FHIT: variants seen among roughly 807,000 people sequenced by gnomAD.
The protein encoded by FHIT is bis(5'-adenosyl)-triphosphatase.
A neutral mutation model predicts 17.9 loss-of-function variants in FHIT; 19 were observed. That is an observed-to-expected ratio of 1.06 (90% CI 0.74 to 1.56). The LOEUF is 1.56. Ranked by LOEUF, FHIT falls within the 40% of genes most tolerant of loss-of-function variation. FHIT has a pLI of 0.00. For missense variants in FHIT, 248 were observed against 189.2 expected, an observed-to-expected ratio of 1.31 and a Z score of -1.82; for synonymous variants, 81 against 69.7, an observed-to-expected ratio of 1.16 and a Z score of -0.81.
At chr3:60,572,385 A>G (rs1051576210) in intron 4 of FHIT, among the ~76,000 whole-genome samples, 4 of 152,202 alleles carry the variant, frequency 2.6e-5, no homozygotes, top group Admixed American at 1.3e-4. Flanking sequence ...TCTGTTTTAT[A>G]ATATTTATTG....
At chr3:60,199,495 C>G (rs867882260) in intron 5 of FHIT, among the ~76,000 whole-genome samples, 12 of 152,078 alleles carry the variant, frequency 7.9e-5, no homozygotes, top group Middle Eastern at 3.4e-3. Context: ...TGTGGGTCCT[C>G]AAAGGGGAAT....
At chr3:60,531,930 A>G (rs1427761412) in intron 5 of FHIT, among the ~76,000 whole-genome samples, 1 of 152,174 alleles carries the variant, frequency 6.6e-6, no homozygotes, top group Non-Finnish European at 1.5e-5. Context: ...CACTGTTTGC[A>G]TGGTAGCCAA....
intron 2 of FHIT, among the ~76,000 whole-genome samples, chr3:61,128,837 T>C (rs562692289): frequency 6.0e-4 from 92 of 152,250 alleles, no homozygotes; most frequent in African/African-American, 2.0e-3. Flanking sequence ...ACTACCTGTT[T>C]TTCTTCCTCT....
intron 1 of FHIT, among the ~76,000 whole-genome samples, chr3:61,202,682 AT>A (rs1469960367): frequency 2.6e-5 from 4 of 151,858 alleles, no homozygotes; most frequent in Non-Finnish European, 4.4e-5. Context: ...AGAGATAAAA[AT>A]AAAATCTTAA....
intron 4 of FHIT, among the ~76,000 whole-genome samples, chr3:60,644,965 A>T (rs1261093435): frequency 6.6e-6 from 1 of 152,106 alleles, no homozygotes; most frequent in Non-Finnish European, 1.5e-5. Flanking sequence ...GCAGATAGTT[A>T]GGGCTGACAC....
intron 5 of FHIT, among the ~76,000 whole-genome samples, chr3:60,152,457 T>A (rs1016983226): frequency 2.6e-5 from 4 of 152,168 alleles, no homozygotes; most frequent in Non-Finnish European, 5.9e-5. Context: ...CGCAGCTACT[T>A]CCAGAAGGTC....
chr3:61,172,648 T>C (rs1415245067), intron 2 of FHIT, among the ~76,000 whole-genome samples: 1 of 152,016 alleles, frequency 6.6e-6, no homozygotes, highest in Non-Finnish European at 1.5e-5. Context: ...CCTTCTTCAT[T>C]TTCCCTCATA....
chr3:60,108,688 A>T (rs1307259721), intron 5 of FHIT, among the ~76,000 whole-genome samples: 1 of 148,262 alleles, frequency 6.7e-6, no homozygotes, highest in African/African-American at 2.5e-5. Context: ...TTTGAGACAG[A>T]GTCTCGCTTT....
intron 4 of FHIT, among the ~76,000 whole-genome samples, chr3:60,768,211 G>C (rs1394735741): frequency 1.3e-5 from 2 of 152,236 alleles, no homozygotes; most frequent in African/African-American, 4.8e-5. Flanking sequence ...AAAATAGTTG[G>C]CCTGAGGTAT....
chr3:60,181,038 T>C (rs1230244034), intron 5 of FHIT, among the ~76,000 whole-genome samples: 1 of 152,134 alleles, frequency 6.6e-6, no homozygotes, highest in East Asian at 1.9e-4. Context: ...AACTGCCACA[T>C]TGATGGTACC....
chr3:59,884,411 A>G (rs891037530), intron 8 of FHIT, among the ~76,000 whole-genome samples: 1 of 152,144 alleles, frequency 6.6e-6, no homozygotes, highest in Non-Finnish European at 1.5e-5. Context: ...AATATTTACC[A>G]GCACACCACT....
chr3:59,760,176 G>C (rs982640298), intron 8 of FHIT, among the ~76,000 whole-genome samples: 1 of 152,136 alleles, frequency 6.6e-6, no homozygotes, highest in Non-Finnish European at 1.5e-5. Flanking sequence ...TTTTAGTGCT[G>C]CCTGTGGGGC....
At chr3:60,297,660 A>G (rs1475796976) in intron 5 of FHIT, among the ~76,000 whole-genome samples, 4 of 152,078 alleles carry the variant, frequency 2.6e-5, no homozygotes, top group Non-Finnish European at 5.9e-5. Flanking sequence ...TGGCAAGATC[A>G]ATAATGAAAG....
chr3:61,080,199 C>T (rs959195041), intron 2 of FHIT, among the ~76,000 whole-genome samples: 12 of 152,192 alleles, frequency 7.9e-5, no homozygotes, highest in African/African-American at 2.9e-4. Context: ...TATCAAAATA[C>T]TTAATTACAA....
chr3:59,804,059 G>T (rs1700103017), intron 8 of FHIT, among the ~76,000 whole-genome samples: 2 of 152,200 alleles, frequency 1.3e-5, no homozygotes, highest in African/African-American at 4.8e-5. Flanking sequence ...GGCAAGATGT[G>T]CATATTCATC....
At chr3:60,171,576 C>T (rs764955386) in intron 5 of FHIT, among the ~76,000 whole-genome samples, 37 of 152,176 alleles carry the variant, frequency 2.4e-4, no homozygotes, top group Non-Finnish European at 5.0e-4. Context: ...AAAATTGCCA[C>T]TTTTCTTTTT....
chr3:60,584,507 A>G (rs1179848794), intron 4 of FHIT, among the ~76,000 whole-genome samples: 1 of 152,074 alleles, frequency 6.6e-6, no homozygotes, highest in Non-Finnish European at 1.5e-5. Flanking sequence ...TCACCATTTT[A>G]GATCATCCTT....
intron 8 of FHIT, among the ~76,000 whole-genome samples, chr3:59,899,899 G>C (rs1704248368): frequency 6.6e-6 from 1 of 152,144 alleles, no homozygotes; most frequent in Admixed American, 6.6e-5. Context: ...CACTCTGCCA[G>C]GCCAGGAGTT....
intron 5 of FHIT, among the ~76,000 whole-genome samples, chr3:60,301,160 A>G (rs1708445752): frequency 6.6e-6 from 1 of 152,136 alleles, no homozygotes; most frequent in African/African-American, 2.4e-5. Flanking sequence ...ACCTGAAAGT[A>G]TGATTTTAAA....
Sources: gnomAD v4.1 joint callset for allele counts (sites outside exome capture counted in the v4.1 genomes callset) on GRCh38, gnomAD v4.1.1 for gene constraint, MANE v1.5 for transcripts, NCBI Gene and HGNC (gene_info 2026-07-23, HGNC 2026-07-21) for gene names.